TMEM18: variants seen among roughly 807,000 people sequenced by gnomAD.
TMEM18 encodes the protein transmembrane protein 18.
In TMEM18, 14 loss-of-function variants were observed where a neutral mutation model predicts 17.4. The ratio of observed to expected loss-of-function variants is 0.80; its 90% CI spans 0.53 to 1.25. The LOEUF is 1.25. Among genes scored for constraint, TMEM18 ranks in the 50% most tolerant of loss-of-function variants. The probability of loss-of-function intolerance (pLI) is 0.00; values close to 1 mark genes in which losing one functional copy is unlikely to be tolerated. For missense variants in TMEM18, 187 were observed against 172.1 expected (o/e 1.09, Z -0.48); for synonymous variants, 86 against 66.1 (o/e 1.30, Z -1.46).
At chr2:676,213 C>G in intron 1 of TMEM18, 1 of 1,384,728 alleles carries the variant, frequency 7.2e-7, no homozygotes, top group Non-Finnish European at 9.6e-7. Flanking sequence ...CCGCCGCCTC[C>G]TGGACTCCCC....
chr2:673,265 G>A, intron 2 of TMEM18, among the ~76,000 whole-genome samples: 1 of 152,184 alleles, frequency 6.6e-6, no homozygotes, highest in East Asian at 1.9e-4. Context: ...GACAACCAAG[G>A]GCTTTTCACG....
rs1659270438 is a variant in TMEM18, at chr2:677,051, A to T, written c.57+238T>A. 9.5e-5 allele frequency: 18 copies of T among 188,582 alleles called. No homozygotes were observed. In the South Asian group the frequency reaches 1.3e-3, roughly 14 times the overall value. 11.7% of individuals were successfully genotyped at this position (188,582 alleles called of 1,614,324 possible). On this transcript the variant is annotated intron_variant, in intron 1 of 4. Coordinates refer to ENST00000281017, the MANE Select transcript of TMEM18 (RefSeq NM_152834.4). ...GACCCCGCCTAGCGCTCGCGCCCCG[A>T]CGCCCGGCCCCGGCCCCCTCCCACA...
In TMEM18 at chr2:665,742, C is replaced by T. The variant is rs1480638859; in HGVS notation, c.*3838G>A. 6.6e-6 allele frequency among the ~76,000 whole-genome samples: 1 copy of T among 152,050 alleles called. No individual in the cohort carries two copies. Among genetic ancestry groups the T allele is most frequent in the Non-Finnish European group, 1.5e-5 (1 of 68,024 alleles). ...GACCCAGAGATGCAGATGCCCCACT[C>T]ACTCAGATGGAGCATCAACCCCACA... On this transcript the variant is annotated 3_prime_UTR_variant, in exon 5 of 5. Coordinates refer to ENST00000281017, the MANE Select transcript of TMEM18 (RefSeq NM_152834.4).
intron 1 of TMEM18, chr2:676,927 C>T: frequency 2.1e-6 from 1 of 476,970 alleles, no homozygotes; most frequent in Non-Finnish European, 3.7e-6. Flanking sequence ...GACGCCAGCC[C>T]AGCCCAAGCC....
chr2:672,837 G>A lies in TMEM18; in HGVS notation c.204C>T (p.Tyr68=). Residue 68 remains tyrosine (Y), a synonymous_variant, in exon 3 of 5, where the codon TAC becomes TAT. Transcript: ENST00000281017. ...CLVILVYCAE[Y]INEAAAMNWR... ...AGTTCATCGCAGCCGCCTCATTGATGTATTCAGCACAGTAGACTAAGATGA... is the reference window on the plus strand; with the variant it reads ...AGTTCATCGCAGCCGCCTCATTGATATATTCAGCACAGTAGACTAAGATGA... 1 of 1,488,814 alleles carries A rather than the reference G, an allele frequency of 6.7e-7. No homozygotes were observed. Among genetic ancestry groups the A allele is most frequent in the Non-Finnish European group, 8.9e-7 (1 of 1,127,020 alleles). 92.2% of individuals were successfully genotyped at this position (1,488,814 alleles called of 1,614,324 possible).
At chr2:676,076 AATC>A (rs1275990247) in intron 1 of TMEM18, 12 of 1,321,672 alleles carry the variant, frequency 9.1e-6, no homozygotes, top group African/African-American at 1.5e-5. Flanking sequence ...GTAAAACATG[AATC>A]ATCATTTCAG....
intron 3 of TMEM18, 38 bp downstream of exon 3, chr2:672,770 C>T: frequency 7.0e-7 from 1 of 1,437,000 alleles, no homozygotes; most frequent in Non-Finnish European, 9.1e-7. Flanking sequence ...AGGGACACCC[C>T]TGCAGGGACC....
Position 672,807 on chromosome 2 carries a change from C to A in TMEM18, c.233+1G>T. The A allele has an allele frequency of 6.8e-7, 1 of 1,471,816 alleles. No homozygotes were observed. The highest frequency in any genetic ancestry group is 9.0e-7 in the Non-Finnish European group (1 of 1,114,912). 91.2% of individuals were successfully genotyped at this position (1,471,816 alleles called of 1,614,324 possible). A position where few individuals can be genotyped will look rare whatever the true frequency, so the allele number is the denominator to read the frequency against. On this transcript the variant is annotated splice_donor_variant, in intron 3 of 4. Transcript: ENST00000281017. LOFTEE classifies it high-confidence loss of function. ...GGTCACAGGCCCGGGGGTGGGCTCA[C>A]CTCCAGTTCATCGCAGCCGCCTCAT...
chr2:669,738 G>GA lies in TMEM18; in HGVS notation c.327+18dup. 6.2e-7 allele frequency: 1 copy of GA among 1,613,724 alleles called. No homozygotes were observed. The highest frequency in any genetic ancestry group is 8.5e-7 in the Non-Finnish European group (1 of 1,179,656). On this transcript the variant is annotated intron_variant, in intron 4 of 4. Coordinates refer to ENST00000281017, the MANE Select transcript of TMEM18 (RefSeq NM_152834.4). ...AACATACACATGAAGAAAGACAACT[G>GA]AAAGTGTCATCTACGTACCACAATG...
chr2:674,467 CTT>C (rs1678941869), intron 2 of TMEM18, among the ~76,000 whole-genome samples: 1 of 152,212 alleles, frequency 6.6e-6, no homozygotes, highest in South Asian at 2.1e-4. Flanking sequence ...CATTGCAACA[CTT>C]GTCACTGTTG....
At position 677,400 on chromosome 2, in the gene TMEM18, C is replaced by T. The variant is rs1173244645; in HGVS notation, c.-55G>A. 1.3e-6 allele frequency: 2 copies of T among 1,592,368 alleles called. No homozygotes were observed. The highest frequency in any genetic ancestry group is 1.7e-6 in the Non-Finnish European group (2 of 1,170,288). ...CGCCGAACCCGGCCTGGCCAGAATC[C>T]ACAGAGGAGGGCGCCAAATCCTCTC... On this transcript the variant is annotated 5_prime_UTR_variant, in exon 1 of 5. Transcript: ENST00000281017.
rs145484048 is a variant in TMEM18 at position 669,207 on chromosome 2, A to G, written c.*373T>C. The G allele has an allele frequency of 4.3e-4, 77 of 179,870 alleles. No individual in the cohort carries two copies. The highest frequency in any genetic ancestry group is 1.5e-3 in the African/African-American group (64 of 42,306). The allele number at this position is 179,870 out of a possible 1,614,324, so 11.1% of individuals were successfully genotyped here. A position where few individuals can be genotyped will look rare whatever the true frequency, so the allele number is the denominator to read the frequency against. ...GCACGAGGAGGAGGGCATGGTGCCCATGTACAGGTGGCACTGTTTATTATT... is the reference window on the plus strand; with the variant it reads ...GCACGAGGAGGAGGGCATGGTGCCCGTGTACAGGTGGCACTGTTTATTATT... On this transcript the variant is annotated 3_prime_UTR_variant, in exon 5 of 5. Transcript: ENST00000281017.
chr2:671,340 A>G (rs755285930), intron 3 of TMEM18, among the ~76,000 whole-genome samples: 77 of 152,022 alleles, frequency 5.1e-4, no homozygotes, highest in Non-Finnish European at 8.0e-4. Flanking sequence ...CAGGGTCACC[A>G]GGGACTGAAC....
intron 2 of TMEM18, among the ~76,000 whole-genome samples, chr2:673,161 T>C (rs578063275): frequency 9.0e-4 from 137 of 152,308 alleles, no homozygotes; most frequent in African/African-American, 3.1e-3. Context: ...CACCCAGGCA[T>C]GGCTGGACCT....
At chr2:676,587 G>A (rs939557590) in intron 1 of TMEM18, 22 of 1,550,408 alleles carry the variant, frequency 1.4e-5, no homozygotes, top group Non-Finnish European at 1.9e-5. Context: ...AAGACCAGAG[G>A]CACGGAGGTG....
Position 669,799 on chromosome 2 carries a change from T to C in TMEM18, c.285A>G (p.Ile95Met), listed in dbSNP as rs1347562519. The C allele has an allele frequency of 2.0e-5, 33 of 1,613,886 alleles. 1 individual carries two copies. In the Admixed American group the frequency reaches 4.3e-4, roughly 21 times the overall value. ...YFDSRGMFIS[I>M]VFSAPLLVNA... ...TCACCAGCAGTGGGGCTGAAAATACTATAGAAATGAACATCCCCCTGGAGT... is the reference window on the plus strand; with the variant it reads ...TCACCAGCAGTGGGGCTGAAAATACCATAGAAATGAACATCCCCCTGGAGT... Residue 95 changes from isoleucine to methionine, a missense_variant, in exon 4 of 5, where the codon ATA becomes ATG. Physicochemically the swap from Ile to Met is conservative, Grantham distance 10. Coordinates refer to ENST00000281017, the MANE Select transcript of TMEM18 (RefSeq NM_152834.4).
rs1678708973 is a variant in TMEM18, at chr2:666,982, G to A, written c.*2598C>T. Among the ~76,000 whole-genome samples the A allele has an allele frequency of 6.7e-6, 1 of 149,690 alleles. No individual in the cohort carries two copies. The highest frequency in any genetic ancestry group is 1.5e-5 in the Non-Finnish European group (1 of 67,784). On this transcript the variant is annotated 3_prime_UTR_variant, in exon 5 of 5. Coordinates refer to ENST00000281017, the MANE Select transcript of TMEM18 (RefSeq NM_152834.4). Reference sequence around the variant, plus strand: ...GCATCCCACTCAACTTCGCGCCACTGAAGCTCCTTACCCTGAATTCCACCC... The same window carrying A: ...GCATCCCACTCAACTTCGCGCCACTAAAGCTCCTTACCCTGAATTCCACCC...
rs1343865377 is a variant in TMEM18 at position 665,783 on chromosome 2, A to G, written c.*3797T>C. Among the ~76,000 whole-genome samples the G allele has an allele frequency of 6.7e-6, 1 of 148,678 alleles. No individual in the cohort carries two copies. The highest frequency in any genetic ancestry group is 1.5e-5 in the Non-Finnish European group (1 of 67,308). On this transcript the variant is annotated 3_prime_UTR_variant, in exon 5 of 5. Transcript: ENST00000281017. Reference sequence around the variant, plus strand: ...CAACCCCACACACAACAGGACCCAGAGATGCAGATGCCCCACTCACTCAGA... The same window carrying G: ...CAACCCCACACACAACAGGACCCAGGGATGCAGATGCCCCACTCACTCAGA...
At chr2:676,662 G>C in intron 1 of TMEM18, 1 of 1,547,740 alleles carries the variant, frequency 6.5e-7, no homozygotes, top group Non-Finnish European at 8.7e-7. Context: ...CGGCCACGTG[G>C]GGCGTGGGCT....
Sources: allele counts gnomAD v4.1 joint callset (sites outside exome capture counted in the v4.1 genomes callset), GRCh38; gene constraint gnomAD v4.1.1; transcripts MANE v1.5; gene names NCBI Gene and HGNC (gene_info 2026-07-23, HGNC 2026-07-21).